Variants in NRG3 observed in about 807,000 individuals in gnomAD.
NRG3 encodes neuregulin 3.
In NRG3, 31 loss-of-function variants were observed where a neutral mutation model predicts 66.9. The ratio of observed to expected loss-of-function variants is 0.46; its 90% CI spans 0.35 to 0.63. The LOEUF (loss-of-function observed/expected upper bound fraction) is 0.63. NRG3 is among the 20% of genes least tolerant of loss of function. NRG3 has a pLI of 0.00. For synonymous variants in NRG3, 393 were observed against 359.4 expected, an observed-to-expected ratio of 1.09 and a Z score of -1.06; for missense variants, 910 against 878.9, an observed-to-expected ratio of 1.04 and a Z score of -0.45.
At position 82,261,498 on chromosome 10, in the gene NRG3, C is replaced by T. The variant is rs141919717; in HGVS notation, c.824-97241C>T. ...GGTCGTGGAGACCTTAACCCAGCGG[C>T]GCTAGAGGAATTAAAGACACACACA... On this transcript the variant is annotated intron_variant, in intron 1 of 8. Coordinates refer to ENST00000372141, the MANE Select transcript of NRG3 (RefSeq NM_001010848.4). 3.8e-3 allele frequency among the ~76,000 whole-genome samples: 575 copies of T among 152,090 alleles called. 1 individual carries two copies. Among genetic ancestry groups the T allele is most frequent in the Non-Finnish European group, 5.8e-3 (392 of 68,006 alleles).
At chr10:82,050,316 A>C (rs1391901830) in intron 1 of NRG3, among the ~76,000 whole-genome samples, 1 of 151,916 alleles carries the variant, frequency 6.6e-6, no homozygotes, top group Non-Finnish European at 1.5e-5. Flanking sequence ...CAATGGCAAA[A>C]CCTGCAATTA....
At chr10:82,434,483 A>G (rs1238863083) in intron 2 of NRG3, among the ~76,000 whole-genome samples, 3 of 152,034 alleles carry the variant, frequency 2.0e-5, no homozygotes, top group Admixed American at 6.6e-5. Flanking sequence ...TTCCAATACT[A>G]TGTTGAATAG....
chr10:82,754,073 T>C (rs1277987470), intron 3 of NRG3, among the ~76,000 whole-genome samples: 3 of 152,082 alleles, frequency 2.0e-5, no homozygotes, highest in Non-Finnish European at 4.4e-5. Context: ...ACTTCTTTTT[T>C]CCTAGATGAT....
At chr10:82,227,744 G>A (rs958517475) in intron 1 of NRG3, among the ~76,000 whole-genome samples, 2 of 152,160 alleles carry the variant, frequency 1.3e-5, no homozygotes, top group African/African-American at 2.4e-5. Flanking sequence ...GTTGGCAGAT[G>A]ACATTGTAGG....
chr10:82,962,304 G>A (rs1282000358), intron 6 of NRG3, among the ~76,000 whole-genome samples: 3 of 152,316 alleles, frequency 2.0e-5, no homozygotes, highest in African/African-American at 7.2e-5. Flanking sequence ...AGGCAAAGGA[G>A]TGAAACTTCT....
In NRG3 at chr10:82,027,898, A is replaced by T. The variant is rs114808871; in HGVS notation, c.823+151735A>T. On this transcript the variant is annotated intron_variant, in intron 1 of 8. Transcript: ENST00000372141. ...GTGGAGAGCAGAATAGTCAGGAAAC[A>T]AGTTAGTCACAGACTTTACTCAGAT... Among the ~76,000 whole-genome samples, 618 of 152,246 alleles carry T rather than the reference A, an allele frequency of 4.1e-3. 5 individuals are homozygous for T. Among genetic ancestry groups the T allele is most frequent in the African/African-American group, 0.014 (590 of 41,574 alleles).
intron 2 of NRG3, among the ~76,000 whole-genome samples, chr10:82,464,917 C>A (rs1840537259): frequency 6.6e-6 from 1 of 152,190 alleles, no homozygotes; most frequent in Non-Finnish European, 1.5e-5. Flanking sequence ...CTTCCCAAAT[C>A]TCCTGGGCAA....
intron 1 of NRG3, among the ~76,000 whole-genome samples, chr10:81,894,857 C>A (rs1843376280): frequency 6.6e-6 from 1 of 152,152 alleles, no homozygotes; most frequent in Non-Finnish European, 1.5e-5. Context: ...CCGCTGCCTC[C>A]AACCACCACA....
chr10:82,611,758 A>C (rs890081024), intron 2 of NRG3, among the ~76,000 whole-genome samples: 1 of 152,288 alleles, frequency 6.6e-6, no homozygotes, highest in African/African-American at 2.4e-5. Context: ...TAGTAGCATG[A>C]TTTATAATCC....
At chr10:81,902,123 T>G (rs751984684) in intron 1 of NRG3, among the ~76,000 whole-genome samples, 17 of 152,318 alleles carry the variant, frequency 1.1e-4, no homozygotes, top group Non-Finnish European at 1.0e-4. Flanking sequence ...TCCTCATTGT[T>G]CTCTCTATAA....
At chr10:82,891,824 T>G (rs1475688150) in intron 4 of NRG3, among the ~76,000 whole-genome samples, 5 of 152,200 alleles carry the variant, frequency 3.3e-5, no homozygotes, top group African/African-American at 1.2e-4. Flanking sequence ...AAAGTAGTCA[T>G]AGCAGGTTTA....
intron 2 of NRG3, among the ~76,000 whole-genome samples, chr10:82,441,519 G>T (rs2090430180): frequency 6.6e-6 from 1 of 152,132 alleles, no homozygotes. Flanking sequence ...ATAAAAAGTT[G>T]TATAAATATC....
rs577066781 is a variant in NRG3 at position 82,647,849 on chromosome 10, T to C, written c.954-90728T>C. On this transcript the variant is annotated intron_variant, in intron 2 of 8. Transcript: ENST00000372141. ...GTCCTTCGCCCACTTTTTGATGGGG[T>C]TGTTTGTTTTTTTCTTGTAAATTTG... Among the ~76,000 whole-genome samples, 3 of 149,784 alleles carry C rather than the reference T, an allele frequency of 2.0e-5. No individual in the cohort carries two copies. The East Asian group carries it at 5.9e-4, about 29-fold the overall frequency.
chr10:82,661,796 A>C (rs1250688828), intron 2 of NRG3, among the ~76,000 whole-genome samples: 1 of 152,254 alleles, frequency 6.6e-6, no homozygotes, highest in Admixed American at 6.5e-5. Context: ...ATCCAACACA[A>C]AACGCAAGCA....
chr10:82,805,485 C>G (rs1301873817), intron 3 of NRG3, among the ~76,000 whole-genome samples: 1 of 151,990 alleles, frequency 6.6e-6, no homozygotes, highest in African/African-American at 2.4e-5. Flanking sequence ...AGTACCCTTC[C>G]CCTTTGTCAG....
chr10:82,514,503 G>A lies in NRG3; in HGVS notation c.953+155635G>A, dbSNP rs185798620. Among the ~76,000 whole-genome samples the A allele has an allele frequency of 2.0e-4, 30 of 152,152 alleles. No homozygotes were observed. In the East Asian group the frequency reaches 3.5e-3, roughly 18 times the overall value. On this transcript the variant is annotated intron_variant, in intron 2 of 8. Coordinates refer to ENST00000372141, the MANE Select transcript of NRG3 (RefSeq NM_001010848.4). ...AAAGATCAAATCGTTGTAGATGTGCGGTCTTGTGTCTGAGATTTATATTCT... is the reference window on the plus strand; with the variant it reads ...AAAGATCAAATCGTTGTAGATGTGCAGTCTTGTGTCTGAGATTTATATTCT...
intron 3 of NRG3, among the ~76,000 whole-genome samples, chr10:82,757,272 C>T (rs1363748124): frequency 3.3e-5 from 5 of 152,032 alleles, no homozygotes; most frequent in Non-Finnish European, 7.4e-5. Flanking sequence ...AAGCCCCAAC[C>T]ACTGTTCTAA....
chr10:82,568,123 G>A (rs1011785359), intron 2 of NRG3, among the ~76,000 whole-genome samples: 1 of 151,862 alleles, frequency 6.6e-6, no homozygotes, highest in African/African-American at 2.4e-5. Context: ...AACTAGAACG[G>A]ATGCAGGCCA....
intron 2 of NRG3, among the ~76,000 whole-genome samples, chr10:82,732,375 G>A (rs1438522670): frequency 1.3e-5 from 2 of 152,050 alleles, no homozygotes; most frequent in Non-Finnish European, 2.9e-5. Context: ...TGATATTTGG[G>A]CCATATTTTT....
Sources: allele counts gnomAD v4.1 joint callset (sites outside exome capture counted in the v4.1 genomes callset), GRCh38; gene constraint gnomAD v4.1.1; transcripts MANE v1.5; gene names NCBI Gene and HGNC (gene_info 2026-07-23, HGNC 2026-07-21).